The following ZNF385B variants were observed in gnomAD, a reference collection of about 807,000 sequenced individuals.
ZNF385B encodes the protein zinc finger protein 385B, also known as zinc finger protein 533.
Under a neutral mutation model 39.2 loss-of-function variants are expected in ZNF385B, and 23 were observed. That is an observed-to-expected ratio of 0.59 (90% CI 0.42 to 0.83). The LOEUF (loss-of-function observed/expected upper bound fraction) is 0.83, where lower values mean the gene tolerates loss of function less well. ZNF385B is among the 40% of genes least tolerant of loss of function. The pLI, the probability that ZNF385B is intolerant of heterozygous loss-of-function variation, is 0.00. For synonymous variants in ZNF385B, 205 were observed against 222.6 expected, an observed-to-expected ratio of 0.92 and a Z score of 0.70; for missense variants, 552 against 598.9, an observed-to-expected ratio of 0.92 and a Z score of 0.82.
chr2:179,628,311 T>A (rs1418670789), intron 3 of ZNF385B, among the ~76,000 whole-genome samples: 1 of 152,206 alleles, frequency 6.6e-6, no homozygotes, highest in Non-Finnish European at 1.5e-5. Context: ...CTTTAAGTAT[T>A]AATTTATTTT....
At chr2:179,713,483 T>C (rs1447163075) in intron 3 of ZNF385B, among the ~76,000 whole-genome samples, 2 of 152,174 alleles carry the variant, frequency 1.3e-5, no homozygotes, top group Admixed American at 6.5e-5. Flanking sequence ...CTGACCACTA[T>C]AACTATTCCC....
intron 1 of ZNF385B, among the ~76,000 whole-genome samples, chr2:179,791,720 A>G (rs1406168638): frequency 1.3e-5 from 2 of 152,206 alleles, no homozygotes; most frequent in African/African-American, 4.8e-5. Context: ...ATCTTTATTT[A>G]AAATTTTGAT....
chr2:179,621,548 C>T (rs188372541), intron 3 of ZNF385B, among the ~76,000 whole-genome samples: 28 of 152,290 alleles, frequency 1.8e-4, no homozygotes, highest in Admixed American at 1.4e-3. Flanking sequence ...TGTCACTTAA[C>T]GTAAGTTTGC....
chr2:179,702,432 T>G (rs1425976103), intron 3 of ZNF385B, among the ~76,000 whole-genome samples: 1 of 152,220 alleles, frequency 6.6e-6, no homozygotes, highest in Non-Finnish European at 1.5e-5. Context: ...AAGGCAGGCT[T>G]GCTTTATCAA....
intron 3 of ZNF385B, among the ~76,000 whole-genome samples, chr2:179,603,715 GTTAC>G (rs2106110419): frequency 6.6e-6 from 1 of 152,242 alleles, no homozygotes; most frequent in African/African-American, 2.4e-5. Context: ...ATTGACAGTA[GTTAC>G]TTGAAAAATC....
rs1706097838 is a variant in ZNF385B, at chr2:179,802,534, T to C, written c.-154-31862A>G. ...CCAATCAGAATCATGAAACCAACCT[T>C]AAAACAGTCTCCATCTGTCTTGGGA... On this transcript the variant is annotated intron_variant, in intron 1 of 9. Coordinates refer to ENST00000410066, the MANE Select transcript of ZNF385B (RefSeq NM_152520.6). 4 of 152,114 alleles carry C rather than the reference T, an allele frequency of 2.6e-5. No homozygotes were observed. The South Asian group carries it at 8.3e-4, about 31-fold the overall frequency. 9.4% of individuals were successfully genotyped at this position (152,114 alleles called of 1,614,324 possible).
At chr2:179,692,750 C>G (rs141420038) in intron 3 of ZNF385B, among the ~76,000 whole-genome samples, 25 of 152,274 alleles carry the variant, frequency 1.6e-4, no homozygotes, top group African/African-American at 6.0e-4. Context: ...AAGAAGTCTG[C>G]TCTCATTGGT....
intron 1 of ZNF385B, among the ~76,000 whole-genome samples, chr2:179,848,279 A>C (rs943448448): frequency 2.0e-4 from 31 of 152,174 alleles, no homozygotes; most frequent in Non-Finnish European, 7.4e-5. Context: ...TATCTCTAAT[A>C]ATCTAATTTG....
intron 3 of ZNF385B, among the ~76,000 whole-genome samples, chr2:179,591,760 T>C (rs765365164): frequency 2.0e-5 from 3 of 152,144 alleles, no homozygotes; most frequent in Non-Finnish European, 4.4e-5. Context: ...GTGTGGACTG[T>C]CCTCATTAAT....
intron 3 of ZNF385B, among the ~76,000 whole-genome samples, chr2:179,616,761 A>G (rs1465969925): frequency 3.9e-5 from 6 of 151,994 alleles, no homozygotes; most frequent in Non-Finnish European, 7.4e-5. Flanking sequence ...GGGTCTCGCT[A>G]TGTTGCCCAG....
At position 179,583,597 on chromosome 2, in the gene ZNF385B, C is replaced by T. The variant is rs577346215; in HGVS notation, c.299-38628G>A. Among the ~76,000 whole-genome samples, 25 of 152,234 alleles carry T rather than the reference C, an allele frequency of 1.6e-4. No individual in the cohort carries two copies. In the South Asian group the frequency reaches 5.2e-3, roughly 32 times the overall value. On this transcript the variant is annotated intron_variant, in intron 3 of 9. Transcript: ENST00000410066. ...CAGAATTTAAACCAAACTTTGTTTT[C>T]CCATAACAGCATGCTAAAATATTTT...
At chr2:179,848,759 G>A (rs1471259895) in intron 1 of ZNF385B, among the ~76,000 whole-genome samples, 2 of 152,200 alleles carry the variant, frequency 1.3e-5, no homozygotes, top group Non-Finnish European at 2.9e-5. Flanking sequence ...TGCCTCAGCA[G>A]GAAGAACCTT....
At chr2:179,791,571 G>A (rs1229467957) in intron 1 of ZNF385B, among the ~76,000 whole-genome samples, 1 of 152,192 alleles carries the variant, frequency 6.6e-6, no homozygotes, top group Non-Finnish European at 1.5e-5. Context: ...TGAGGCAGGT[G>A]AGGCGCTTGT....
intron 3 of ZNF385B, among the ~76,000 whole-genome samples, chr2:179,757,340 G>A (rs1010500489): frequency 6.6e-6 from 1 of 152,214 alleles, no homozygotes; most frequent in Non-Finnish European, 1.5e-5. Context: ...TCTCAGAGGG[G>A]TACCCAGCTG....
chr2:179,797,327 T>C (rs1705731955), intron 1 of ZNF385B, among the ~76,000 whole-genome samples: 1 of 152,194 alleles, frequency 6.6e-6, no homozygotes, highest in Non-Finnish European at 1.5e-5. Context: ...AAGAATGATA[T>C]CATTTTACCT....
intron 3 of ZNF385B, among the ~76,000 whole-genome samples, chr2:179,761,611 C>T (rs993569824): frequency 6.6e-6 from 1 of 150,984 alleles, no homozygotes; most frequent in African/African-American, 2.4e-5. Context: ...CAGGTTCTCA[C>T]TCTGTCACGC....
chr2:179,687,588 A>G (rs1358280574), intron 3 of ZNF385B, among the ~76,000 whole-genome samples: 1 of 152,164 alleles, frequency 6.6e-6, no homozygotes, highest in Non-Finnish European at 1.5e-5. Flanking sequence ...AGGAGCTACT[A>G]TATTATCCCT....
intron 3 of ZNF385B, among the ~76,000 whole-genome samples, chr2:179,757,760 C>T (rs1016330182): frequency 6.6e-6 from 1 of 152,194 alleles, no homozygotes; most frequent in Non-Finnish European, 1.5e-5. Context: ...ACCCTCCAAG[C>T]CAGGTGCGGG....
At chr2:179,532,371 T>C (rs1239366085) in intron 4 of ZNF385B, among the ~76,000 whole-genome samples, 1 of 152,142 alleles carries the variant, frequency 6.6e-6, no homozygotes, top group Non-Finnish European at 1.5e-5. Context: ...CACATCCAGT[T>C]TGCTTATATG....
Sources: allele counts gnomAD v4.1 joint callset (sites outside exome capture counted in the v4.1 genomes callset), GRCh38; gene constraint gnomAD v4.1.1; transcripts MANE v1.5; gene names NCBI Gene and HGNC (gene_info 2026-07-23, HGNC 2026-07-21).